The following PDE4D variants were observed in gnomAD, a reference collection of about 807,000 sequenced individuals.
PDE4D encodes the protein 3',5'-cyclic-AMP phosphodiesterase 4D.
Under a neutral mutation model 87.4 loss-of-function variants are expected in PDE4D, and 24 were observed. The observed-to-expected ratio is 0.27, with a 90% CI of 0.20 to 0.39. The LOEUF (loss-of-function observed/expected upper bound fraction) is 0.39, where lower values mean the gene tolerates loss of function less well. PDE4D is among the 10% of genes least tolerant of loss of function. The pLI, the probability that PDE4D is intolerant of heterozygous loss-of-function variation, is 1.00. For missense variants in PDE4D, 714 were observed against 1,041.0 expected (o/e 0.69, Z 4.32); for synonymous variants, 384 against 383.2 (o/e 1.00, Z -0.02).
chr5:59,582,032 A>G (rs2153700198), intron 1 of PDE4D, among the ~76,000 whole-genome samples: 1 of 152,212 alleles, frequency 6.6e-6, no homozygotes, highest in African/African-American at 2.4e-5. Flanking sequence ...TTACAAGTAA[A>G]TTGTATTTGG....
chr5:59,545,924 G>A (rs1232710998), intron 1 of PDE4D, among the ~76,000 whole-genome samples: 1 of 152,134 alleles, frequency 6.6e-6, no homozygotes, highest in Non-Finnish European at 1.5e-5. Flanking sequence ...TTTGTTGATG[G>A]AGTCAAATAC....
intron 1 of PDE4D, among the ~76,000 whole-genome samples, chr5:59,605,355 T>C (rs1333145069): frequency 6.6e-6 from 1 of 152,134 alleles, no homozygotes; most frequent in Non-Finnish European, 1.5e-5. Flanking sequence ...CTTATTTGTA[T>C]TTCAGATAAT....
intron 1 of PDE4D, among the ~76,000 whole-genome samples, chr5:59,782,778 T>C (rs1764758513): frequency 6.6e-6 from 1 of 152,248 alleles, no homozygotes; most frequent in African/African-American, 2.4e-5. Context: ...GCAATTTTGC[T>C]ATAACAACTC....
At chr5:59,214,079 A>ACAC (rs1561725422) in intron 2 of PDE4D, among the ~76,000 whole-genome samples, 9 of 123,788 alleles carry the variant, frequency 7.3e-5, no homozygotes, top group African/African-American at 2.8e-4. Flanking sequence ...CACACACACA[A>ACAC]CCATTCTATA....
intron 1 of PDE4D, among the ~76,000 whole-genome samples, chr5:60,318,263 T>C (rs968141805): frequency 6.6e-6 from 1 of 152,230 alleles, no homozygotes; most frequent in Non-Finnish European, 1.5e-5. Flanking sequence ...TCTTTTGATC[T>C]TTGTTGGTTT....
intron 1 of PDE4D, among the ~76,000 whole-genome samples, chr5:60,393,251 T>C (rs1762672198): frequency 6.6e-6 from 1 of 152,166 alleles, no homozygotes; most frequent in Admixed American, 6.5e-5. Flanking sequence ...AACAACTTCA[T>C]AGGAAAACAG....
At chr5:59,962,032 G>A (rs1759526832) in intron 3 of PDE4D, among the ~76,000 whole-genome samples, 1 of 152,120 alleles carries the variant, frequency 6.6e-6, no homozygotes, top group African/African-American at 2.4e-5. Context: ...ATACGTGAAG[G>A]ATGCTTTTTT....
At chr5:59,473,953 A>G (rs775755524) in intron 1 of PDE4D, among the ~76,000 whole-genome samples, 5 of 152,218 alleles carry the variant, frequency 3.3e-5, no homozygotes, top group Non-Finnish European at 5.9e-5. Context: ...CAGTTCCCAT[A>G]TAAAGCTTAG....
At chr5:59,131,336 T>C (rs1218399724) in intron 5 of PDE4D, among the ~76,000 whole-genome samples, 2 of 152,176 alleles carry the variant, frequency 1.3e-5, no homozygotes, top group African/African-American at 4.8e-5. Context: ...CAGTGCCTAG[T>C]ACACAAGTAC....
chr5:59,745,285 G>C (rs544788344), intron 1 of PDE4D, among the ~76,000 whole-genome samples: 4 of 152,104 alleles, frequency 2.6e-5, no homozygotes, highest in Non-Finnish European at 5.9e-5. Context: ...AAAAATTCTC[G>C]GGTGATGCTA....
intron 3 of PDE4D, among the ~76,000 whole-genome samples, chr5:59,899,260 C>T (rs963467040): frequency 2.6e-5 from 4 of 152,072 alleles, no homozygotes; most frequent in Non-Finnish European, 5.9e-5. Context: ...GGACTCTTAA[C>T]TCTACATAGA....
chr5:59,923,510 G>C (rs1035247607), intron 3 of PDE4D, among the ~76,000 whole-genome samples: 7 of 151,618 alleles, frequency 4.6e-5, no homozygotes, highest in African/African-American at 1.7e-4. Flanking sequence ...GCTCAAGACA[G>C]AGAGAGAGAC....
chr5:60,129,636 T>A (rs1287056946), intron 2 of PDE4D, among the ~76,000 whole-genome samples: 1 of 152,080 alleles, frequency 6.6e-6, no homozygotes, highest in African/African-American at 2.4e-5. Context: ...CAACAAAAAA[T>A]TTCAAAATAC....
intron 1 of PDE4D, among the ~76,000 whole-genome samples, chr5:60,350,902 T>A (rs1759126961): frequency 6.6e-6 from 1 of 152,184 alleles, no homozygotes; most frequent in Non-Finnish European, 1.5e-5. Flanking sequence ...CTTCAGCTGC[T>A]ATAGGCATTT....
At chr5:60,197,304 G>A (rs571367856) in intron 1 of PDE4D, among the ~76,000 whole-genome samples, 1 of 151,428 alleles carries the variant, frequency 6.6e-6, no homozygotes, top group Admixed American at 6.6e-5. Flanking sequence ...ACCTTCAGAA[G>A]TTCCTTTTTA....
intron 1 of PDE4D, among the ~76,000 whole-genome samples, chr5:60,361,009 T>C (rs138334047): frequency 2.4e-4 from 37 of 152,348 alleles, no homozygotes; most frequent in African/African-American, 8.9e-4. Context: ...GCTAAGCACT[T>C]TGAAAACACA....
chr5:58,982,702 T>C (rs1164363466), intron 11 of PDE4D, among the ~76,000 whole-genome samples: 1 of 152,176 alleles, frequency 6.6e-6, no homozygotes, highest in East Asian at 1.9e-4. Flanking sequence ...GCAATAGTCA[T>C]AGCCAGGTCA....
intron 2 of PDE4D, among the ~76,000 whole-genome samples, chr5:60,055,267 C>T (rs1431147257): frequency 1.3e-5 from 2 of 151,846 alleles, no homozygotes; most frequent in Non-Finnish European, 2.9e-5. Flanking sequence ...AAACTAAAAC[C>T]TTACAAAAGC....
intron 1 of PDE4D, among the ~76,000 whole-genome samples, chr5:59,456,106 G>A (rs1391476258): frequency 6.6e-6 from 1 of 152,178 alleles, no homozygotes; most frequent in African/African-American, 2.4e-5. Flanking sequence ...GAGACTGTTG[G>A]GGAGGCATGA....
Sources: allele counts gnomAD v4.1 joint callset (sites outside exome capture counted in the v4.1 genomes callset), GRCh38; gene constraint gnomAD v4.1.1; transcripts MANE v1.5; gene names NCBI Gene and HGNC (gene_info 2026-07-23, HGNC 2026-07-21).